CLIP1: variants seen among roughly 807,000 people sequenced by gnomAD.
CLIP1 encodes the protein CAP-Gly domain containing linker protein 1.
In CLIP1, 66 loss-of-function variants were observed where a neutral mutation model predicts 161.6. The observed-to-expected ratio is 0.41, with a 90% CI of 0.33 to 0.50. The LOEUF (loss-of-function observed/expected upper bound fraction) is 0.50. Ranked by LOEUF, CLIP1 falls within the 20% of genes least tolerant of loss-of-function variation. The pLI, the probability that CLIP1 is intolerant of heterozygous loss-of-function variation, is 0.27. For synonymous variants in CLIP1, 598 were observed against 626.2 expected (o/e 0.96, Z 0.67); for missense variants, 1,376 against 1,702.0 (o/e 0.81, Z 3.37).
At chr12:122,401,158 G>A (rs1451609823) in intron 1 of CLIP1, among the ~76,000 whole-genome samples, 4 of 152,176 alleles carry the variant, frequency 2.6e-5, no homozygotes, top group African/African-American at 7.2e-5. Context: ...TGATCCGCCC[G>A]TCTTGGCCTC....
chr12:122,352,519 T>G (rs1359124632), intron 8 of CLIP1, among the ~76,000 whole-genome samples: 3 of 152,120 alleles, frequency 2.0e-5, no homozygotes, highest in Non-Finnish European at 4.4e-5. Flanking sequence ...GAGAAAGAAG[T>G]AGTGCAAGTT....
chr12:122,352,735 A>C lies in CLIP1; in HGVS notation c.1359T>G (p.Gly453=), dbSNP rs757265307. 5 of 1,613,882 alleles carry C rather than the reference A, an allele frequency of 3.1e-6. No homozygotes were observed. The highest frequency in any genetic ancestry group is 4.2e-6 in the Non-Finnish European group (5 of 1,179,792). The change falls in exon 8 of 26, where the codon GGT becomes GGG. Residue 453 remains glycine, a synonymous_variant. Coordinates refer to ENST00000620786, the MANE Select transcript of CLIP1 (RefSeq NM_001247997.2). ...FRVEEESITK[G]DLEQKSQISE... is the part of the protein sequence containing the mutation. ...GCTGGAGGGGTTTTACCTCAAGATCACCTTTGGTAATTGATTCTTCTTCAA... is the reference window on the plus strand; with the variant it reads ...GCTGGAGGGGTTTTACCTCAAGATCCCCTTTGGTAATTGATTCTTCTTCAA...
chr12:122,419,327 C>G (rs896687614), intron 1 of CLIP1, among the ~76,000 whole-genome samples: 2 of 151,284 alleles, frequency 1.3e-5, no homozygotes, highest in African/African-American at 4.9e-5. Context: ...CAAAATTGCA[C>G]CACTACACTC....
intron 24 of CLIP1, chr12:122,275,644 GCACACACACACACACA>G (rs71082958): frequency 6.8e-5 from 10 of 147,538 alleles, no homozygotes; most frequent in African/African-American, 2.5e-4. Context: ...ACACACACGC[GCACACACACACACACA>G]CACACACACA....
chr12:122,377,141 TG>T (rs966816111), intron 3 of CLIP1, among the ~76,000 whole-genome samples: 7 of 152,024 alleles, frequency 4.6e-5, no homozygotes, highest in African/African-American at 1.7e-4. Flanking sequence ...CCTGAGTAGC[TG>T]GGATTACAGG....
At chr12:122,338,659 G>A (rs964425253) in intron 11 of CLIP1, among the ~76,000 whole-genome samples, 5 of 152,126 alleles carry the variant, frequency 3.3e-5, no homozygotes, top group Admixed American at 2.0e-4. Context: ...GGAGGTTGCA[G>A]TGACTCGAGA....
intron 5 of CLIP1, among the ~76,000 whole-genome samples, chr12:122,357,263 T>C (rs1377317612): frequency 2.8e-5 from 4 of 143,334 alleles, no homozygotes; most frequent in Non-Finnish European, 4.5e-5. Context: ...CCATCTGGGA[T>C]GTGAGGAGCG....
chr12:122,362,372 G>A (rs1451491277), intron 4 of CLIP1, among the ~76,000 whole-genome samples: 2 of 151,178 alleles, frequency 1.3e-5, no homozygotes, highest in Non-Finnish European at 2.9e-5. Flanking sequence ...GAGGCCAGGC[G>A]CCGTGGCTCA....
At chr12:122,409,868 A>AT (rs1445419222) in intron 1 of CLIP1, among the ~76,000 whole-genome samples, 39 of 123,554 alleles carry the variant, frequency 3.2e-4, no homozygotes, top group East Asian at 1.4e-3. Flanking sequence ...AGTGTTTGTT[A>AT]TTTTTATTTT....
At position 122,380,432 on chromosome 12, in the gene CLIP1, A is replaced by G. The variant is rs758393490; in HGVS notation, c.21T>C (p.Ser7=). The change falls in exon 2 of 26, where the codon AGT becomes AGC. Residue 7 remains serine (S), a synonymous_variant. Transcript: ENST00000620786. MSMLKP[S]GLKAPTKILK... ...GGATCTTGGTGGGGGCCTTAAGCCC[A>G]CTTGGCTTTAGCATACTCATTTTCT... 1 of 1,612,930 alleles carries G rather than the reference A, an allele frequency of 6.2e-7. No homozygotes were observed. Among genetic ancestry groups the G allele is most frequent in the Non-Finnish European group, 8.5e-7 (1 of 1,179,404 alleles).
intron 1 of CLIP1, among the ~76,000 whole-genome samples, chr12:122,381,564 A>G (rs890757617): frequency 1.3e-5 from 2 of 152,264 alleles, no homozygotes; most frequent in Non-Finnish European, 2.9e-5. Context: ...ATTTTCAGAC[A>G]TAATACCTAA....
chr12:122,305,701 G>C (rs747766960), intron 20 of CLIP1, among the ~76,000 whole-genome samples: 10 of 152,084 alleles, frequency 6.6e-5, no homozygotes, highest in Non-Finnish European at 1.2e-4. Flanking sequence ...CTGAGTCAGT[G>C]GGCTGAGAAA....
chr12:122,363,007 A>C (rs1176214862), intron 4 of CLIP1, among the ~76,000 whole-genome samples: 2 of 152,204 alleles, frequency 1.3e-5, no homozygotes, highest in Non-Finnish European at 2.9e-5. Context: ...TTTGCTTATA[A>C]CCAATTTGTC....
At chr12:122,387,915 T>A (rs1035858094) in intron 1 of CLIP1, among the ~76,000 whole-genome samples, 1 of 152,090 alleles carries the variant, frequency 6.6e-6, no homozygotes, top group Non-Finnish European at 1.5e-5. Context: ...TTAATATTTT[T>A]AAATATTCTC....
Position 122,353,984 on chromosome 12 carries a change from C to T in CLIP1, c.1307+469G>A, listed in dbSNP as rs116686260. On this transcript the variant is annotated intron_variant, in intron 7 of 25. Coordinates refer to ENST00000620786, the MANE Select transcript of CLIP1 (RefSeq NM_001247997.2). ...TTGAAAAAAGTCAAATCAAAGCAGA[C>T]GCTCTTCACACAGTATGGCAGAGTT... is the stretch of plus-strand genomic sequence containing the variant. Among the ~76,000 whole-genome samples, 52 of 152,198 alleles carry T rather than the reference C, an allele frequency of 3.4e-4. 1 individual carries two copies. The South Asian group carries it at 0.011, about 31-fold the overall frequency.
chr12:122,390,199 T>TATATA (rs1566213942), intron 1 of CLIP1, among the ~76,000 whole-genome samples: 18 of 116,900 alleles, frequency 1.5e-4, no homozygotes, highest in Admixed American at 1.4e-3. Context: ...ATATATATAA[T>TATATA]ATATATATAC....
chr12:122,344,923 G>A (rs563276228), intron 10 of CLIP1, among the ~76,000 whole-genome samples: 2 of 152,190 alleles, frequency 1.3e-5, no homozygotes, highest in Admixed American at 6.5e-5. Context: ...CTTCGTTATG[G>A]AAAGATATAA....
At chr12:122,383,979 G>A (rs76261276) in intron 1 of CLIP1, among the ~76,000 whole-genome samples, 3 of 152,078 alleles carry the variant, frequency 2.0e-5, no homozygotes, top group Non-Finnish European at 2.9e-5. Flanking sequence ...CAACATGTAA[G>A]GACCATAACA....
Position 122,330,645 on chromosome 12 carries a change from G to A in CLIP1, c.2868-2219C>T, listed in dbSNP as rs917866260. ...GATGGAGTCTCGCACTGTTGCCTGGGCTGGAGTGCAATGGTGCGATCTGAG... is the reference window on the plus strand; with the variant it reads ...GATGGAGTCTCGCACTGTTGCCTGGACTGGAGTGCAATGGTGCGATCTGAG... On this transcript the variant is annotated intron_variant, in intron 15 of 25. Coordinates refer to ENST00000620786, the MANE Select transcript of CLIP1 (RefSeq NM_001247997.2). 5.4e-5 allele frequency among the ~76,000 whole-genome samples: 7 copies of A among 129,082 alleles called. 1 individual carries two copies. Among genetic ancestry groups the A allele is most frequent in the African/African-American group, 2.1e-4 (7 of 33,904 alleles). The allele number at this position is 129,082 out of a possible 152,430, so 84.7% of individuals were successfully genotyped here.
Sources: allele counts gnomAD v4.1 joint callset (sites outside exome capture counted in the v4.1 genomes callset), GRCh38; gene constraint gnomAD v4.1.1; transcripts MANE v1.5; gene names NCBI Gene and HGNC (gene_info 2026-07-23, HGNC 2026-07-21).